Variants in NELL1 observed in about 807,000 individuals in gnomAD.
The protein encoded by NELL1 is neural EGFL like 1.
A neutral mutation model predicts 107.4 loss-of-function variants in NELL1; 76 were observed. The ratio of observed to expected loss-of-function variants is 0.71; its 90% CI spans 0.59 to 0.86. The LOEUF (loss-of-function observed/expected upper bound fraction) is 0.86. Ranked by LOEUF, NELL1 falls within the 40% of genes least tolerant of loss-of-function variation. The pLI, the probability that NELL1 is intolerant of heterozygous loss-of-function variation, is 0.00. For synonymous variants in NELL1, 353 were observed against 341.2 expected (o/e 1.03, Z -0.38); for missense variants, 1,024 against 1,005.5 (o/e 1.02, Z -0.25).
At chr11:21,233,941 C>T (rs1858131642) in intron 14 of NELL1, among the ~76,000 whole-genome samples, 2 of 152,114 alleles carry the variant, frequency 1.3e-5, no homozygotes, top group Non-Finnish European at 2.9e-5. Context: ...TGTCTGGGCA[C>T]CAAAAGAGCA....
chr11:20,988,331 G>A (rs75865873), intron 12 of NELL1, among the ~76,000 whole-genome samples: 1 of 151,506 alleles, frequency 6.6e-6, no homozygotes, highest in Non-Finnish European at 1.5e-5. Context: ...CCATCTGCTT[G>A]TAGATAATGG....
At position 21,534,475 on chromosome 11, in the gene NELL1, G is replaced by C; in HGVS notation, c.1747G>C (p.Asp583His). 1 of 1,613,868 alleles carries C rather than the reference G, an allele frequency of 6.2e-7. No individual in the cohort carries two copies. Among genetic ancestry groups the C allele is most frequent in the Non-Finnish European group, 8.5e-7 (1 of 1,179,848 alleles). The change falls in exon 16 of 20, where the codon GAC (aspartate) becomes CAC (histidine). Residue 583 changes from aspartate (D) to histidine (H), a missense_variant. By Grantham distance (81) the Asp-to-His change is moderately conservative. Coordinates refer to ENST00000357134, the MANE Select transcript of NELL1 (RefSeq NM_006157.5). Reference sequence around the variant, plus strand: ...CTGTGAGTGCAGAAGCGGTTTCCATGACGATGGGACCTATTCACTGTCCGG... The same window carrying C: ...CTGTGAGTGCAGAAGCGGTTTCCATCACGATGGGACCTATTCACTGTCCGG... ...YHCECRSGFH[D>H]DGTYSLSGES...
chr11:20,989,814 A>T (rs1851932539), intron 12 of NELL1, among the ~76,000 whole-genome samples: 1 of 152,010 alleles, frequency 6.6e-6, no homozygotes, highest in Non-Finnish European at 1.5e-5. Context: ...AACACGGTGA[A>T]ACCCTGTCTC....
chr11:21,132,037 C>T (rs578090165), intron 13 of NELL1, among the ~76,000 whole-genome samples: 4 of 152,210 alleles, frequency 2.6e-5, no homozygotes, highest in Admixed American at 2.6e-4. Flanking sequence ...CGCTTTTGAA[C>T]ACTTGTTGGC....
At position 21,575,102 on chromosome 11, in the gene NELL1, G is replaced by T. The variant is rs1031711315; in HGVS notation, c.*80G>T. The T allele has an allele frequency of 2.6e-5, 33 of 1,287,366 alleles. No homozygotes were observed. In the African/African-American group the frequency reaches 3.4e-4, roughly 13 times the overall value. The allele number at this position is 1,287,366 out of a possible 1,614,324, so 79.7% of individuals were successfully genotyped here. ...ATTAAGGATAGGAATCGGTAGTTTG[G>T]TTTTTTTGTTTGTTTTGTTTTTTTA... On this transcript the variant is annotated 3_prime_UTR_variant, in exon 20 of 20. Coordinates refer to ENST00000357134, the MANE Select transcript of NELL1 (RefSeq NM_006157.5).
At chr11:21,081,168 T>C (rs1168021105) in intron 12 of NELL1, among the ~76,000 whole-genome samples, 1 of 152,174 alleles carries the variant, frequency 6.6e-6, no homozygotes, top group Non-Finnish European at 1.5e-5. Flanking sequence ...GACATATCAC[T>C]GCTGTCACCT....
Position 21,406,010 on chromosome 11 carries a change from G to T in NELL1, c.1645+35062G>T, listed in dbSNP as rs796636257. 2.0e-4 allele frequency among the ~76,000 whole-genome samples: 31 copies of T among 152,046 alleles called. 1 individual carries two copies. The highest frequency in any genetic ancestry group is 7.2e-4 in the African/African-American group (30 of 41,530). On this transcript the variant is annotated intron_variant, in intron 15 of 19. Transcript: ENST00000357134. ...TAGACTGAGCCAATAAGGTTGTATT[G>T]GCCCCTCCATTTGTAAGTCCATACA...
chr11:21,385,534 C>G (rs1482378667), intron 15 of NELL1, among the ~76,000 whole-genome samples: 1 of 151,802 alleles, frequency 6.6e-6, no homozygotes, highest in African/African-American at 2.4e-5. Context: ...TTTTTCCCCT[C>G]CATCCTACCT....
chr11:20,674,033 A>G (rs2133845589), intron 1 of NELL1, among the ~76,000 whole-genome samples: 1 of 152,318 alleles, frequency 6.6e-6, no homozygotes, highest in East Asian at 1.9e-4. Flanking sequence ...AAAACTATCC[A>G]GAAGCCTAAT....
intron 13 of NELL1, among the ~76,000 whole-genome samples, chr11:21,215,304 T>G (rs1266107196): frequency 1.3e-5 from 2 of 152,222 alleles, no homozygotes; most frequent in African/African-American, 2.4e-5. Flanking sequence ...CCTGAGGCCT[T>G]CTCAGCCATA....
At chr11:21,023,994 C>T (rs1447703859) in intron 12 of NELL1, among the ~76,000 whole-genome samples, 1 of 151,988 alleles carries the variant, frequency 6.6e-6, no homozygotes, top group Non-Finnish European at 1.5e-5. Flanking sequence ...CTTAGAAATC[C>T]TTCCAAAATC....
At chr11:21,047,439 A>G (rs942220426) in intron 12 of NELL1, among the ~76,000 whole-genome samples, 1 of 152,172 alleles carries the variant, frequency 6.6e-6, no homozygotes, top group Non-Finnish European at 1.5e-5. Context: ...CCTAATGGCT[A>G]TTAATAAATG....
chr11:20,688,189 T>A (rs58889859), intron 2 of NELL1, among the ~76,000 whole-genome samples: 2 of 151,426 alleles, frequency 1.3e-5, no homozygotes, highest in South Asian at 4.2e-4. Flanking sequence ...ACTTTTTTTT[T>A]ATTTTTTAAA....
intron 12 of NELL1, among the ~76,000 whole-genome samples, chr11:21,026,903 G>A (rs1027187844): frequency 5.9e-5 from 9 of 152,054 alleles, no homozygotes; most frequent in African/African-American, 1.9e-4. Context: ...GCTGGCTTTT[G>A]TATGCCAGCC....
chr11:20,714,530 A>ATT (rs34160861), intron 2 of NELL1, among the ~76,000 whole-genome samples: 23 of 148,106 alleles, frequency 1.6e-4, no homozygotes, highest in South Asian at 8.7e-4. Flanking sequence ...TTTATTTTTA[A>ATT]TTTTTTTTTG....
At chr11:20,781,255 T>C (rs796667515) in intron 2 of NELL1, among the ~76,000 whole-genome samples, 19 of 152,334 alleles carry the variant, frequency 1.2e-4, no homozygotes, top group African/African-American at 4.3e-4. Flanking sequence ...TTCTAGTTTT[T>C]TGACTTGAGG....
At chr11:20,797,360 C>G (rs1049216919) in intron 3 of NELL1, among the ~76,000 whole-genome samples, 1 of 151,410 alleles carries the variant, frequency 6.6e-6, no homozygotes, top group African/African-American at 2.4e-5. Flanking sequence ...GTCAGGAGAT[C>G]GAGACCATCC....
chr11:21,102,537 TA>T (rs1854847133), intron 12 of NELL1, among the ~76,000 whole-genome samples: 1 of 152,176 alleles, frequency 6.6e-6, no homozygotes, highest in Non-Finnish European at 1.5e-5. Flanking sequence ...CTTGGGATGC[TA>T]AAAAACAATA....
chr11:21,352,911 G>GT lies in NELL1; in HGVS notation c.1550-17942_1550-17941insT, dbSNP rs553725923. Among the ~76,000 whole-genome samples the GT allele has an allele frequency of 3.5e-3, 539 of 152,216 alleles. 5 individuals are homozygous for GT. Among genetic ancestry groups the GT allele is most frequent in the African/African-American group, 0.012 (489 of 41,518 alleles). The stretch of plus-strand genomic sequence containing the variant: ...CCACTTCTTTTTGTCCCTCTTACCT[G>GT]GGTACTCTGTGCCTGTCCTTTCTTT... On this transcript the variant is annotated intron_variant, in intron 14 of 19. Coordinates refer to ENST00000357134, the MANE Select transcript of NELL1 (RefSeq NM_006157.5).
Sources: allele counts gnomAD v4.1 joint callset (sites outside exome capture counted in the v4.1 genomes callset), GRCh38; gene constraint gnomAD v4.1.1; transcripts MANE v1.5; gene names NCBI Gene and HGNC (gene_info 2026-07-23, HGNC 2026-07-21).